The following FRY variants were observed in gnomAD, a reference collection of about 807,000 sequenced individuals.
FRY encodes the protein protein furry homolog.
A neutral mutation model predicts 348.4 loss-of-function variants in FRY; 128 were observed. The ratio of observed to expected loss-of-function variants is 0.37; its 90% CI spans 0.32 to 0.43. The LOEUF is 0.43. FRY is among the 20% of genes least tolerant of loss of function. The pLI, the probability that FRY is intolerant of heterozygous loss-of-function variation, is 1.00. For synonymous variants in FRY, 1,370 were observed against 1,374.7 expected, an observed-to-expected ratio of 1.00 and a Z score of 0.08; for missense variants, 2,736 against 3,695.2, an observed-to-expected ratio of 0.74 and a Z score of 6.73.
intron 46 of FRY, among the ~76,000 whole-genome samples, chr13:32,243,556 C>A (rs1886622576): frequency 6.6e-6 from 1 of 152,152 alleles, no homozygotes; most frequent in Non-Finnish European, 1.5e-5. Context: ...TTCTTTATCT[C>A]CCCATCAATA....
At chr13:32,052,974 G>A (rs1873420250) in intron 1 of FRY, among the ~76,000 whole-genome samples, 4 of 152,110 alleles carry the variant, frequency 2.6e-5, no homozygotes, top group Admixed American at 2.6e-4. Context: ...ATTAGCCAGT[G>A]TGGTGGTGTG....
chr13:32,072,930 T>C (rs1874767000), intron 1 of FRY, among the ~76,000 whole-genome samples: 1 of 152,248 alleles, frequency 6.6e-6, no homozygotes, highest in South Asian at 2.1e-4. Flanking sequence ...TACATTGATC[T>C]CTATAAAGTT....
rs922618262 is a variant in FRY at position 32,047,371 on chromosome 13, C to T, written c.70+15506C>T. Among the ~76,000 whole-genome samples the T allele has an allele frequency of 2.6e-5, 4 of 152,282 alleles. No individual in the cohort carries two copies. The East Asian group carries it at 7.7e-4, about 29-fold the overall frequency. On this transcript the variant is annotated intron_variant, in intron 1 of 60. Coordinates refer to ENST00000542859, the MANE Select transcript of FRY (RefSeq NM_023037.3). ...TGACTTGAGGATCTGAACTTTACCA[C>T]TCCCTAGAGAGGATATTTTGGTAGC... is the stretch of plus-strand genomic sequence containing the variant.
At chr13:32,181,053 G>T (rs1347561459) in intron 23 of FRY, among the ~76,000 whole-genome samples, 1 of 151,818 alleles carries the variant, frequency 6.6e-6, no homozygotes, top group African/African-American at 2.4e-5. Flanking sequence ...ACCACTCCTG[G>T]CTAATATTTT....
At chr13:32,287,876 T>C (rs1180937966) in intron 58 of FRY, 11 of 1,354,726 alleles carry the variant, frequency 8.1e-6, no homozygotes, top group Non-Finnish European at 1.1e-5. Flanking sequence ...GCAAATGGAA[T>C]CTCTTGCAGT....
At chr13:32,155,207 G>A (rs1470356884) in intron 14 of FRY, among the ~76,000 whole-genome samples, 1 of 152,118 alleles carries the variant, frequency 6.6e-6, no homozygotes, top group Non-Finnish European at 1.5e-5. Flanking sequence ...ATCTTTTAGA[G>A]ATACACTCAG....
At chr13:32,228,081 G>C (rs1434378144) in intron 39 of FRY, among the ~76,000 whole-genome samples, 2 of 152,128 alleles carry the variant, frequency 1.3e-5, no homozygotes, top group Non-Finnish European at 2.9e-5. Context: ...CTAATACCCA[G>C]GAATAATTTA....
intron 2 of FRY, among the ~76,000 whole-genome samples, chr13:32,086,717 C>T (rs998300036): frequency 5.9e-5 from 9 of 151,746 alleles, no homozygotes; most frequent in East Asian, 5.8e-4. Context: ...CCTGGAAAAA[C>T]GAAAAGTTTT....
intron 8 of FRY, among the ~76,000 whole-genome samples, chr13:32,133,764 C>CTTTTTTTTTTTTTTTTTTT (rs1259372646): frequency 1.0e-4 from 11 of 108,478 alleles, no homozygotes; most frequent in Non-Finnish European, 2.0e-4. Flanking sequence ...TTCTTTCTTT[C>CTTTTTTTTTTTTTTTTTTT]TTTCTTTTTT....
intron 35 of FRY, among the ~76,000 whole-genome samples, chr13:32,218,232 G>T (rs1318302297): frequency 2.0e-5 from 3 of 152,134 alleles, no homozygotes; most frequent in Non-Finnish European, 1.5e-5. Flanking sequence ...TCTTTTCAAG[G>T]TTTGGACTTG....
chr13:32,035,951 T>A (rs1377413016), intron 1 of FRY, among the ~76,000 whole-genome samples: 1 of 152,160 alleles, frequency 6.6e-6, no homozygotes, highest in Non-Finnish European at 1.5e-5. Flanking sequence ...GTTGTAGTGA[T>A]AAGCCCAGGA....
intron 28 of FRY, among the ~76,000 whole-genome samples, chr13:32,192,585 T>C (rs1883412096): frequency 6.6e-6 from 1 of 152,064 alleles, no homozygotes; most frequent in South Asian, 2.1e-4. Context: ...GAAACTAGGT[T>C]GAAGATGTTT....
chr13:32,151,061 C>G (rs1345701293), intron 14 of FRY, among the ~76,000 whole-genome samples: 1 of 152,166 alleles, frequency 6.6e-6, no homozygotes, highest in Non-Finnish European at 1.5e-5. Flanking sequence ...CAGTGAAGAG[C>G]CTTCTCTTGC....
chr13:32,243,912 C>G (rs1886638144), intron 46 of FRY, 130 bp from the exon 47 acceptor site: 1 of 986,592 alleles, frequency 1.0e-6, no homozygotes, highest in African/African-American at 1.6e-5. Context: ...GGCAACATAG[C>G]AAGACCCCAT....
intron 46 of FRY, 114 bp from the exon 47 acceptor site, chr13:32,243,928 A>C (rs1410928071): frequency 1.6e-6 from 2 of 1,217,400 alleles, no homozygotes; most frequent in African/African-American, 3.2e-5. Context: ...CCCATCTCCT[A>C]AAAAAATAAA....
intron 7 of FRY, among the ~76,000 whole-genome samples, chr13:32,127,641 T>C (rs775498754): frequency 3.3e-5 from 5 of 151,826 alleles, no homozygotes; most frequent in Non-Finnish European, 7.4e-5. Context: ...TAGCTGGGAG[T>C]GGTGGCACGC....
rs1230417450 is a variant in FRY at position 32,274,907 on chromosome 13, G to A, written c.8202G>A (p.Arg2734=). ...CCAGTTACCTTGGAGATAACCTCCGGGGAATCGGATCCAAATTTGTCAGCT... is the reference window on the plus strand; with the variant it reads ...CCAGTTACCTTGGAGATAACCTCCGAGGAATCGGATCCAAATTTGTCAGCT... ...DAASYLGDNL[R]GIGSKFVSSS... is the part of the protein sequence containing the mutation. The change falls in exon 56 of 61, where the codon CGG becomes CGA. Residue 2734 remains arginine, a synonymous_variant. Transcript: ENST00000542859. 6.2e-6 allele frequency: 10 copies of A among 1,612,966 alleles called. No individual in the cohort carries two copies. The highest frequency in any genetic ancestry group is 1.3e-5 in the African/African-American group (1 of 74,828).
intron 23 of FRY, among the ~76,000 whole-genome samples, chr13:32,181,772 T>C (rs1882728622): frequency 6.6e-6 from 1 of 152,074 alleles, no homozygotes; most frequent in Admixed American, 6.6e-5. Flanking sequence ...GGGCCTCAGT[T>C]TTCTCAACTG....
At chr13:32,265,349 C>A in intron 53 of FRY, 101 bp from the exon 54 acceptor site, 1 of 1,127,844 alleles carries the variant, frequency 8.9e-7, no homozygotes, top group Non-Finnish European at 1.3e-6. Flanking sequence ...TTTCTATCAC[C>A]ATCAGCATTT....
Sources: allele counts gnomAD v4.1 joint callset (sites outside exome capture counted in the v4.1 genomes callset), GRCh38; gene constraint gnomAD v4.1.1; transcripts MANE v1.5; gene names NCBI Gene and HGNC (gene_info 2026-07-23, HGNC 2026-07-21).